The following MCTP1 variants were observed in gnomAD, a reference collection of about 807,000 sequenced individuals.
MCTP1 encodes multiple C2 and transmembrane domain-containing protein 1.
Under a neutral mutation model 120.6 loss-of-function variants are expected in MCTP1, and 69 were observed. The observed-to-expected ratio is 0.57, with a 90% confidence interval of 0.47 to 0.70. The LOEUF (loss-of-function observed/expected upper bound fraction) is 0.70, where lower values mean the gene tolerates loss of function less well. MCTP1 is among the 30% of genes least tolerant of loss of function. The pLI is 0.00. For synonymous variants in MCTP1, 529 were observed against 493.1 expected, an observed-to-expected ratio of 1.07 and a Z score of -0.96; for missense variants, 1,203 against 1,248.8, an observed-to-expected ratio of 0.96 and a Z score of 0.55.
chr5:95,272,277 AT>A (rs1002853148), intron 1 of MCTP1, among the ~76,000 whole-genome samples: 1 of 152,234 alleles, frequency 6.6e-6, no homozygotes, highest in Non-Finnish European at 1.5e-5. Context: ...AAAGCTACTA[AT>A]AAAAAAATTG....
chr5:95,151,130 CATATAT>C (rs3037035), intron 1 of MCTP1, among the ~76,000 whole-genome samples: 6 of 125,950 alleles, frequency 4.8e-5, no homozygotes, highest in African/African-American at 8.8e-5. Flanking sequence ...ACGCCTGGCT[CATATAT>C]ATATATATAT....
At chr5:95,226,050 A>G (rs1190749525) in intron 1 of MCTP1, among the ~76,000 whole-genome samples, 1 of 152,146 alleles carries the variant, frequency 6.6e-6, no homozygotes, top group Admixed American at 6.5e-5. Context: ...ATTTGGTTAC[A>G]TAAGTTCTTT....
chr5:95,172,211 G>A (rs1242921447), intron 1 of MCTP1, among the ~76,000 whole-genome samples: 1 of 152,218 alleles, frequency 6.6e-6, no homozygotes, highest in Non-Finnish European at 1.5e-5. Flanking sequence ...AGTGGAGGCT[G>A]CAGAACAGCG....
chr5:95,144,821 G>T (rs1760241421), intron 1 of MCTP1, among the ~76,000 whole-genome samples: 1 of 152,148 alleles, frequency 6.6e-6, no homozygotes, highest in Non-Finnish European at 1.5e-5. Flanking sequence ...TTGTAGTATA[G>T]TGGGAAGTTA....
chr5:94,737,974 C>G (rs1215020707), intron 19 of MCTP1, among the ~76,000 whole-genome samples: 1 of 152,192 alleles, frequency 6.6e-6, no homozygotes, highest in Non-Finnish European at 1.5e-5. Context: ...CCACCGCACC[C>G]GGCCAGAATT....
intron 19 of MCTP1, among the ~76,000 whole-genome samples, chr5:94,749,513 G>A (rs1372387729): frequency 6.6e-6 from 1 of 151,886 alleles, no homozygotes. Context: ...AAATTAGCCG[G>A]GCATGCTGGC....
chr5:94,861,170 C>A (rs914143143), intron 17 of MCTP1, among the ~76,000 whole-genome samples: 1 of 151,792 alleles, frequency 6.6e-6, no homozygotes, highest in African/African-American at 2.4e-5. Context: ...GTACAAGATG[C>A]ACCAGAGTCA....
At chr5:95,112,511 A>T (rs1294364621) in intron 1 of MCTP1, among the ~76,000 whole-genome samples, 2 of 152,228 alleles carry the variant, frequency 1.3e-5, no homozygotes, top group African/African-American at 4.8e-5. Flanking sequence ...TTCCATTTGA[A>T]GTCTAGGTAG....
chr5:94,785,522 T>C (rs539824489), intron 18 of MCTP1, among the ~76,000 whole-genome samples: 1 of 152,250 alleles, frequency 6.6e-6, no homozygotes, highest in Non-Finnish European at 1.5e-5. Context: ...TTGAGTTGTT[T>C]AATGTGCTTT....
intron 3 of MCTP1, among the ~76,000 whole-genome samples, chr5:94,947,607 GAGAGAGAGAGAGAGAA>G (rs1184465461): frequency 6.8e-5 from 8 of 118,284 alleles, no homozygotes; most frequent in Admixed American, 1.8e-4. Flanking sequence ...GAGAGAGAGA[GAGAGAGAGAGAGAGAA>G]AGAGAGACAG....
intron 1 of MCTP1, among the ~76,000 whole-genome samples, chr5:95,151,130 C>CATATATATATATATATATATAT (rs3037035): frequency 1.6e-4 from 20 of 125,936 alleles, no homozygotes; most frequent in South Asian, 1.2e-3. Flanking sequence ...ACGCCTGGCT[C>CATATATATATATATATATATAT]ATATATATAT....
At chr5:95,171,742 C>G (rs781746531) in intron 1 of MCTP1, among the ~76,000 whole-genome samples, 7 of 152,120 alleles carry the variant, frequency 4.6e-5, no homozygotes, top group Non-Finnish European at 7.3e-5. Flanking sequence ...AGTTCTCATG[C>G]CATGGTTTTC....
intron 1 of MCTP1, among the ~76,000 whole-genome samples, chr5:95,166,741 G>T (rs1582415702): frequency 6.6e-6 from 1 of 151,568 alleles, no homozygotes; most frequent in Non-Finnish European, 1.5e-5. Flanking sequence ...CTAATTTTTT[G>T]TATTTTTAGT....
chr5:95,140,694 A>G (rs1388438863), intron 1 of MCTP1, among the ~76,000 whole-genome samples: 27 of 8,532 alleles, frequency 3.2e-3, no homozygotes, highest in Middle Eastern at 0.036. Flanking sequence ...TGTCCCTACT[A>G]AAAAAAAAAA....
At chr5:95,234,575 T>C (rs1247429438) in intron 1 of MCTP1, among the ~76,000 whole-genome samples, 2 of 152,192 alleles carry the variant, frequency 1.3e-5, no homozygotes, top group Non-Finnish European at 2.9e-5. Flanking sequence ...CTGTGAGTAA[T>C]AATAGTCTAT....
intron 1 of MCTP1, among the ~76,000 whole-genome samples, chr5:95,036,793 C>T (rs1182664496): frequency 6.6e-6 from 1 of 152,098 alleles, no homozygotes; most frequent in Non-Finnish European, 1.5e-5. Context: ...TTGGAGAAAA[C>T]CATGGGGATT....
At chr5:95,170,480 T>A (rs1430590369) in intron 1 of MCTP1, among the ~76,000 whole-genome samples, 2 of 152,208 alleles carry the variant, frequency 1.3e-5, no homozygotes, top group African/African-American at 2.4e-5. Context: ...ACTTTCTGTC[T>A]CGTTGATCTG....
intron 1 of MCTP1, among the ~76,000 whole-genome samples, chr5:95,235,410 G>T (rs897189980): frequency 6.6e-6 from 1 of 151,960 alleles, no homozygotes; most frequent in Admixed American, 6.6e-5. Context: ...AGAAAAGGAC[G>T]TGCATTCTTA....
chr5:95,195,243 T>G (rs1483725583), intron 1 of MCTP1, among the ~76,000 whole-genome samples: 2 of 152,218 alleles, frequency 1.3e-5, no homozygotes, highest in South Asian at 2.1e-4. Flanking sequence ...CACAGAATCT[T>G]GGGTTTTTCC....
Sources: allele counts gnomAD v4.1 joint callset (sites outside exome capture counted in the v4.1 genomes callset), GRCh38; gene constraint gnomAD v4.1.1; transcripts MANE v1.5; gene names NCBI Gene and HGNC (gene_info 2026-07-23, HGNC 2026-07-21).